Variants in TAOK2 observed in about 807,000 individuals in gnomAD.
TAOK2 encodes the protein TAO kinase 2.
In TAOK2, 42 loss-of-function variants were observed where a neutral mutation model predicts 122.5. That is an observed-to-expected ratio of 0.34 (90% CI 0.27 to 0.44). TAOK2 has a LOEUF of 0.44. TAOK2 is among the 20% of genes least tolerant of loss of function. The pLI is 1.00. For synonymous variants in TAOK2, 704 were observed against 677.6 expected (o/e 1.04, Z -0.61); for missense variants, 1,264 against 1,644.9 (o/e 0.77, Z 4.01).
chr16:29,977,624 G>A, intron 1 of TAOK2, 114 bp from the exon 2 acceptor site: 1 of 1,008,320 alleles, frequency 9.9e-7, no homozygotes, highest in Non-Finnish European at 1.4e-6. Flanking sequence ...TTCCTCAGCA[G>A]TGCCTCCTCC....
At chr16:29,989,009 T>A, downstream of TAOK2, 3 of 985,112 alleles carry the variant, frequency 3.0e-6, no homozygotes, top group Non-Finnish European at 3.6e-6. Context: ...GGGCAGCCCC[T>A]TCTTACCCAT....
At chr16:29,989,538 T>TTCC, downstream of TAOK2, 1 of 1,604,582 alleles carries the variant, frequency 6.2e-7, no homozygotes, top group Non-Finnish European at 8.5e-7. Context: ...CTTCCTCCTC[T>TTCC]TCCTCCTCCT....
chr16:29,991,139 T>C (rs2150911571), downstream of TAOK2: 1 of 1,610,092 alleles, frequency 6.2e-7, no homozygotes, highest in Non-Finnish European at 8.5e-7. This position sits in a 1 kb window ranked among gnomAD's most constrained non-coding sequence, Gnocchi z 5.6. Context: ...AGGCCTTCGA[T>C]GCGGAAAGCA....
chr16:29,977,764 G>A lies in TAOK2; in HGVS notation c.-9G>A, dbSNP rs930949921. On this transcript the variant is annotated 5_prime_UTR_variant, in exon 2 of 16. Coordinates refer to ENST00000308893, the MANE Select transcript of TAOK2 (RefSeq NM_016151.4). Reference sequence around the variant, plus strand: ...CCAGGCCCCACTCTCAGGGCCCCCAGGGGCCACCATGCCAGCTGGGGGCCG... The same window carrying A: ...CCAGGCCCCACTCTCAGGGCCCCCAAGGGCCACCATGCCAGCTGGGGGCCG... 6.2e-7 allele frequency: 1 copy of A among 1,613,912 alleles called. No homozygotes were observed. Among genetic ancestry groups the A allele is most frequent in the Non-Finnish European group, 8.5e-7 (1 of 1,179,896 alleles).
At chr16:29,974,842 T>C (rs1321324146) in intron 1 of TAOK2, among the ~76,000 whole-genome samples, 194 bp downstream of exon 1, 1 of 152,086 alleles carries the variant, frequency 6.6e-6, no homozygotes, top group Admixed American at 6.5e-5. Flanking sequence ...TTGTGTCTGG[T>C]TGGTGGGGGA....
At chr16:29,975,831 G>T (rs2069437505) in intron 1 of TAOK2, among the ~76,000 whole-genome samples, 1 of 152,186 alleles carries the variant, frequency 6.6e-6, no homozygotes, top group Non-Finnish European at 1.5e-5. Flanking sequence ...CTAAGTATGA[G>T]ATCTCATTAA....
rs755236889 is a variant in TAOK2, at chr16:29,985,510, A to G, written c.1720A>G (p.Lys574Glu). Residue 574 changes from lysine to glutamate, a missense_variant, in exon 14 of 16, where the codon AAG (lysine) becomes GAG (glutamate). Coordinates refer to ENST00000308893, the MANE Select transcript of TAOK2 (RefSeq NM_016151.4). This position sits in a 1 kb window ranked among gnomAD's most constrained non-coding sequence, Gnocchi z 6.9. ...GCAGCACATCCTTGGGCAGCAGAAG[A>G]AGGAGCTGGCTGCCCTGCTGGAGGC... ...FQQHILGQQK[K>E]ELAALLEAQK... is the part of the protein sequence containing the mutation. 3 of 1,611,534 alleles carry G rather than the reference A, an allele frequency of 1.9e-6. No homozygotes were observed. The highest frequency in any genetic ancestry group is 1.7e-6 in the Non-Finnish European group (2 of 1,178,730).
chr16:29,977,995 ACTGGTCTTTC>A, intron 2 of TAOK2, 84 bp from the exon 3 acceptor site: 2 of 1,611,660 alleles, frequency 1.2e-6, no homozygotes, highest in Non-Finnish European at 1.7e-6. Context: ...ACTCCATCAC[ACTGGTCTTTC>A]CTGCCTTCTC....
chr16:29,989,357 A>C, downstream of TAOK2: 1 of 982,134 alleles, frequency 1.0e-6, no homozygotes, highest in Non-Finnish European at 1.2e-6. Context: ...GACCTTCCTG[A>C]TCTCTCTCAA....
chr16:29,983,096 G>A lies in TAOK2; in HGVS notation c.1024G>A (p.Ala342Thr). 4 of 1,614,004 alleles carry A rather than the reference G, an allele frequency of 2.5e-6. No individual in the cohort carries two copies. The highest frequency in any genetic ancestry group is 3.4e-6 in the Non-Finnish European group (4 of 1,180,010). Residue 342 changes from alanine to threonine, a missense_variant, in exon 12 of 16, where the codon GCC becomes ACC. By Grantham distance (58) the Ala-to-Thr change is moderately conservative (BLOSUM62 0). Around this residue, in one of 4 missense-constraint regions of TAOK2, gnomAD observed 254 missense variants for 503.8 expected, o/e 0.50. Transcript: ENST00000308893. Reference sequence around the variant, plus strand: ...GGAGGCCGAGCCCTACATGCACCGGGCCGGGACTCTGACCAGCCTCGAGAG... The same window carrying A: ...GGAGGCCGAGCCCTACATGCACCGGACCGGGACTCTGACCAGCCTCGAGAG... ...EEEAEPYMHR[A>T]GTLTSLESSH... is the part of the protein sequence containing the mutation.
At chr16:29,983,765 A>T (rs1400630184) in intron 13 of TAOK2, 101 bp downstream of exon 13, 3 of 1,494,982 alleles carry the variant, frequency 2.0e-6, no homozygotes, top group Non-Finnish European at 2.7e-6. Flanking sequence ...TTGAGTCTGG[A>T]TTCTACCCTC....
chr16:29,990,746 G>A, downstream of TAOK2: 1 of 1,563,962 alleles, frequency 6.4e-7, no homozygotes, highest in Non-Finnish European at 8.7e-7. Context: ...TGGGGGTGGG[G>A]GAGGAGATCC....
downstream of TAOK2, chr16:29,991,606 G>T: frequency 2.1e-6 from 3 of 1,438,522 alleles, no homozygotes; most frequent in South Asian, 3.0e-5. The surrounding 1 kb of genome is among the most constrained non-coding windows in gnomAD (Gnocchi z 5.6). Context: ...GGGCAGGGCA[G>T]GGGTGGGTGG....
chr16:29,992,148 C>T (rs2069987159), downstream of TAOK2: 11 of 150,408 alleles, frequency 7.3e-5, no homozygotes, highest in Admixed American at 7.3e-4. Context: ...AGGGAAGGAC[C>T]TTGGAAGGGG....
At chr16:29,980,167 C>A (rs1172087216) in intron 8 of TAOK2, among the ~76,000 whole-genome samples, 1 of 152,186 alleles carries the variant, frequency 6.6e-6, no homozygotes, top group African/African-American at 2.4e-5. Context: ...CAAGTGAGTT[C>A]CTAAGGCCTT....
Position 29,978,980 on chromosome 16 carries a change from A to G in TAOK2, c.359A>G (p.Lys120Arg). 1 of 1,614,170 alleles carries G rather than the reference A, an allele frequency of 6.2e-7. No homozygotes were observed. The highest frequency in any genetic ancestry group is 8.5e-7 in the Non-Finnish European group (1 of 1,180,032). Reference sequence around the variant, plus strand: ...GTTCTTCCTCACTCTCCAGTGCACAAGAAACCCCTTCAGGAGGTAGAGATC... The same window carrying G: ...GTTCTTCCTCACTCTCCAGTGCACAGGAAACCCCTTCAGGAGGTAGAGATC... Reference protein sequence around the residue: ...GSASDLLEVHKKPLQEVEIAA... With the variant: ...GSASDLLEVHRKPLQEVEIAA... Residue 120 changes from lysine to arginine, a missense_variant, in exon 6 of 16, where the codon AAG becomes AGG. Lys to Arg is a conservative substitution (Grantham distance 26). Around this residue, in one of 4 missense-constraint regions of TAOK2, gnomAD observed 254 missense variants for 503.8 expected, o/e 0.50. Transcript: ENST00000308893.
Position 29,978,297 on chromosome 16 carries a change from C to T in TAOK2, c.250C>T (p.Arg84Trp), listed in dbSNP as rs2069516908. ...IKEVRFLQKLRHPNTIQYRGC... is the reference protein window; with the variant it reads ...IKEVRFLQKLWHPNTIQYRGC... ...GGAGGTGCGGTTCTTACAGAAGCTC[C>T]GGCATCCCAACACCATTCAGTACCG... The change falls in exon 4 of 16, where the codon CGG becomes TGG. Residue 84 changes from arginine (R) to tryptophan (W), a missense_variant. By Grantham distance (101) the Arg-to-Trp change is moderately radical. This residue lies in a region of TAOK2 where 254 missense variants were observed against 503.8 expected (regional missense o/e 0.50). Coordinates refer to ENST00000308893, the MANE Select transcript of TAOK2 (RefSeq NM_016151.4). 3.1e-6 allele frequency: 5 copies of T among 1,614,090 alleles called. No homozygotes were observed. Among genetic ancestry groups the T allele is most frequent in the Non-Finnish European group, 2.5e-6 (3 of 1,180,012 alleles).
chr16:29,987,118 A>C lies in TAOK2; in HGVS notation c.2846A>C (p.His949Pro). Residue 949 changes from histidine to proline, a missense_variant, in exon 16 of 16, where the codon CAT becomes CCT. By Grantham distance (77) the His-to-Pro change is moderately conservative (BLOSUM62 -2). Coordinates refer to ENST00000308893, the MANE Select transcript of TAOK2 (RefSeq NM_016151.4). ...PASQLPGLLS[H>P]GLLAGLSFAV... ...AGCCAGCTCCCTGGACTCCTGTCCCATGGCCTCCTGGCCGGCCTCTCCTTT... is the reference window on the plus strand; with the variant it reads ...AGCCAGCTCCCTGGACTCCTGTCCCCTGGCCTCCTGGCCGGCCTCTCCTTT... The C allele has an allele frequency of 6.2e-7, 1 of 1,609,334 alleles. No homozygotes were observed. The highest frequency in any genetic ancestry group is 8.5e-7 in the Non-Finnish European group (1 of 1,177,738).
chr16:29,981,997 A>G (rs2150891879), intron 10 of TAOK2, 57 bp downstream of exon 10: 1 of 1,455,302 alleles, frequency 6.9e-7, no homozygotes, highest in East Asian at 2.4e-5. Flanking sequence ...CAGCCACAAG[A>G]ACCCCCAGGG....
Sources: allele counts gnomAD v4.1 joint callset (sites outside exome capture counted in the v4.1 genomes callset), GRCh38; gene constraint gnomAD v4.1.1; regional missense constraint gnomAD v4.1.1; non-coding constraint Gnocchi (gnomAD v3.1); transcripts MANE v1.5; gene names NCBI Gene and HGNC (gene_info 2026-07-23, HGNC 2026-07-21).